Variants in SPG7 observed in about 807,000 individuals in gnomAD.
SPG7 encodes the protein SPG7 matrix AAA peptidase subunit, paraplegin, also known as mitochondrial inner membrane m-AAA protease component paraplegin.
SPG7 carries 103 observed loss-of-function variants against 81.9 expected under a neutral mutation model. The ratio of observed to expected loss-of-function variants is 1.26; its 90% CI spans 1.07 to 1.48. The LOEUF (loss-of-function observed/expected upper bound fraction) is 1.48. Among genes scored for constraint, SPG7 ranks in the 40% most tolerant of loss-of-function variants. The pLI, the probability that SPG7 is intolerant of heterozygous loss-of-function variation, is 0.00. For missense variants in SPG7, 1,241 were observed against 1,087.3 expected (o/e 1.14, Z -1.99); for synonymous variants, 534 against 444.2 (o/e 1.20, Z -2.54).
intron 9 of SPG7, chr16:89,538,344 G>A (rs1430970639): frequency 6.6e-6 from 1 of 152,116 alleles, no homozygotes; most frequent in Non-Finnish European, 1.5e-5. Context: ...CTTGACAAGA[G>A]CCATTTAGAG....
At position 89,529,487 on chromosome 16, in the gene SPG7, T is replaced by G; in HGVS notation, c.769T>G (p.Ser257Ala). ...RTGFFGNALY[S>A]VGMTAVGLAI... is the part of the protein sequence containing the mutation. ...TCTTTCTTCCGGCAGTGCCCTGTAC[T>G]CTGTGGGGATGACGGCAGTGGGCCT... Residue 257 changes from serine (S) to alanine (A), a missense_variant, in exon 6 of 17, where the codon TCT becomes GCT. Coordinates refer to ENST00000645818, the MANE Select transcript of SPG7 (RefSeq NM_003119.4). The G allele has an allele frequency of 1.2e-6, 2 of 1,613,024 alleles. No individual in the cohort carries two copies. Among genetic ancestry groups the G allele is most frequent in the East Asian group, 2.2e-5 (1 of 44,880 alleles).
intron 14 of SPG7, 66 bp downstream of exon 14, chr16:89,553,201 C>G: frequency 7.0e-7 from 1 of 1,424,072 alleles, no homozygotes; most frequent in Non-Finnish European, 9.7e-7. Context: ...TCCTTCTGTT[C>G]CAGTGCATGC....
At position 89,553,227 on chromosome 16, in the gene SPG7, G is replaced by T. The variant is rs925516964; in HGVS notation, c.1936+92G>T. On this transcript the variant is annotated intron_variant, in intron 14 of 16. Coordinates refer to ENST00000645818, the MANE Select transcript of SPG7 (RefSeq NM_003119.4). ...CAGTGCATGCCATGGGGTGAATCTG[G>T]TGTAGACGTAGCTTTGAATTTATTA... The T allele has an allele frequency of 3.2e-6, 4 of 1,246,820 alleles. No individual in the cohort carries two copies. The Admixed American group carries it at 5.9e-5, about 18-fold the overall frequency. 77.2% of individuals were successfully genotyped at this position (1,246,820 alleles called of 1,614,324 possible).
At chr16:89,545,003 C>G in intron 10 of SPG7, 1 of 593,150 alleles carries the variant, frequency 1.7e-6, no homozygotes, top group Admixed American at 2.4e-5. Context: ...CCTGGCAGAC[C>G]TGCCCAATGG....
At chr16:89,523,406 TTTC>T (rs770109499) in intron 3 of SPG7, 32 of 322,806 alleles carry the variant, frequency 9.9e-5, no homozygotes, top group Non-Finnish European at 1.9e-4. Context: ...GAAGGTATTA[TTTC>T]TTGAGGCAGG....
In SPG7 at chr16:89,550,481, G is replaced by A. The variant is rs376384545; in HGVS notation, c.1664-13G>A. On this transcript the variant is annotated splice_polypyrimidine_tract_variant and intron_variant, in intron 12 of 16. Coordinates refer to ENST00000645818, the MANE Select transcript of SPG7 (RefSeq NM_003119.4). ...AGCCACCGCGCCCAACTCATACCCC[G>A]GCATTCTTTCAGGGACTGCCAAAAA... 9.3e-5 allele frequency: 148 copies of A among 1,599,698 alleles called. No homozygotes were observed. Among genetic ancestry groups the A allele is most frequent in the African/African-American group, 1.9e-4 (14 of 74,636 alleles).
intron 9 of SPG7, chr16:89,537,739 G>A (rs1446384703): frequency 1.3e-5 from 13 of 985,258 alleles, no homozygotes; most frequent in African/African-American, 3.5e-5. Context: ...AGTGCTTGCC[G>A]TGAGCTCTTT....
chr16:89,534,523 A>G lies in SPG7; in HGVS notation c.1324+1887A>G, dbSNP rs1597638875. On this transcript the variant is annotated intron_variant, in intron 9 of 16. Transcript: ENST00000645818. ...TCTAGTTACATTTTAGGTATTGTAGATGAGGGAGACTTTTTTTCCCCAAGT... is the reference window on the plus strand; with the variant it reads ...TCTAGTTACATTTTAGGTATTGTAGGTGAGGGAGACTTTTTTTCCCCAAGT... Among the ~76,000 whole-genome samples, 5 of 152,342 alleles carry G rather than the reference A, an allele frequency of 3.3e-5. 1 individual carries two copies. Among genetic ancestry groups the G allele is most frequent in the Admixed American group, 3.3e-4 (5 of 15,296 alleles).
Position 89,530,596 on chromosome 16 carries a change from G to A in SPG7, c.862-87G>A, listed in dbSNP as rs1012138695. On this transcript the variant is annotated intron_variant, in intron 6 of 16. Coordinates refer to ENST00000645818, the MANE Select transcript of SPG7 (RefSeq NM_003119.4). ...TAGGATGGAGACGTGGGGTTGGGGC[G>A]GCTCAGGTGCGTGGGCTGAGCGCTG... The A allele has an allele frequency of 2.0e-5, 30 of 1,514,894 alleles. No individual in the cohort carries two copies. The Admixed American group carries it at 4.5e-4, about 23-fold the overall frequency. 93.8% of individuals were successfully genotyped at this position (1,514,894 alleles called of 1,614,324 possible).
intron 3 of SPG7, chr16:89,521,210 G>A (rs1343659864): frequency 6.6e-6 from 1 of 152,200 alleles, no homozygotes; most frequent in African/African-American, 2.4e-5. Context: ...GAAATGATTG[G>A]AACCTAAGGA....
rs956981381 is a variant in SPG7 at position 89,557,363 on chromosome 16, C to T, written c.*270C>T. 5 of 501,506 alleles carry T rather than the reference C, an allele frequency of 1.0e-5. No homozygotes were observed. The highest frequency in any genetic ancestry group is 1.8e-5 in the Non-Finnish European group (5 of 275,088). 31.1% of individuals were successfully genotyped at this position (501,506 alleles called of 1,614,324 possible). A position where few individuals can be genotyped will look rare whatever the true frequency, so the allele number is the denominator to read the frequency against. On this transcript the variant is annotated 3_prime_UTR_variant, in exon 17 of 17. Coordinates refer to ENST00000645818, the MANE Select transcript of SPG7 (RefSeq NM_003119.4). ...GAGTGAGCATGGAACACTTCGAGTT[C>T]CCAGGGTTATAGACAGTCGTTCCCA...
chr16:89,510,943 C>G (rs1329556708), intron 2 of SPG7, among the ~76,000 whole-genome samples: 1 of 152,212 alleles, frequency 6.6e-6, no homozygotes, highest in African/African-American at 2.4e-5. Context: ...AGTGATCCTC[C>G]CACCTCAGCC....
chr16:89,514,723 C>T (rs527440745), intron 3 of SPG7, among the ~76,000 whole-genome samples: 13 of 152,098 alleles, frequency 8.5e-5, no homozygotes, highest in African/African-American at 2.9e-4. Context: ...TGGTCTCGAT[C>T]TCCTGACCTT....
intron 9 of SPG7, chr16:89,544,424 C>A (rs886254808): frequency 5.6e-6 from 3 of 539,146 alleles, no homozygotes; most frequent in Non-Finnish European, 1.0e-5. Flanking sequence ...GACAGTTCTG[C>A]TGTTTGCACT....
chr16:89,550,126 G>C (rs1027129303), intron 12 of SPG7: 3 of 352,116 alleles, frequency 8.5e-6, no homozygotes, highest in African/African-American at 6.4e-5. Context: ...GCAGGAGCAG[G>C]GCCCAGCCAG....
chr16:89,554,717 C>T (rs187421997), intron 16 of SPG7, 154 bp downstream of exon 16: 13 of 655,850 alleles, frequency 2.0e-5, no homozygotes, highest in South Asian at 4.8e-5. Flanking sequence ...CTGAAACTTA[C>T]GTGTTCCATA....
In SPG7 at chr16:89,529,903, G is replaced by A. The variant is rs979106315; in HGVS notation, c.861+324G>A. 4.3e-4 allele frequency: 160 copies of A among 376,328 alleles called. 1 individual carries two copies. Among genetic ancestry groups the A allele is most frequent in the African/African-American group, 3.0e-3 (144 of 47,970 alleles). 23.3% of individuals were successfully genotyped at this position (376,328 alleles called of 1,614,324 possible). On this transcript the variant is annotated intron_variant, in intron 6 of 16. Coordinates refer to ENST00000645818, the MANE Select transcript of SPG7 (RefSeq NM_003119.4). ...TGCCCAGGCTGGAGTGCAGCCGTGC[G>A]ATCTCAGCTCACCGCAACTTGCACC... is the stretch of plus-strand genomic sequence containing the variant.
intron 1 of SPG7, among the ~76,000 whole-genome samples, chr16:89,510,117 G>A (rs1469027271): frequency 1.3e-5 from 2 of 151,976 alleles, no homozygotes; most frequent in Non-Finnish European, 2.9e-5. Context: ...TGAGATTACA[G>A]GTGTGCACCA....
intron 4 of SPG7, among the ~76,000 whole-genome samples, 181 bp downstream of exon 4, chr16:89,524,428 A>AT (rs1324860634): frequency 2.0e-5 from 3 of 151,904 alleles, no homozygotes; most frequent in Admixed American, 6.6e-5. Context: ...ATTGATTTGC[A>AT]TTTATTTGGT....
Sources: gnomAD v4.1 joint callset for allele counts (sites outside exome capture counted in the v4.1 genomes callset) on GRCh38, gnomAD v4.1.1 for gene constraint, MANE v1.5 for transcripts, NCBI Gene and HGNC (gene_info 2026-07-23, HGNC 2026-07-21) for gene names.